Variants in KDM1A observed in about 807,000 individuals in gnomAD.
KDM1A encodes lysine-specific histone demethylase 1A.
In KDM1A, 49 loss-of-function variants were observed where a neutral mutation model predicts 109.4. The ratio of observed to expected loss-of-function variants is 0.45; its 90% CI spans 0.36 to 0.57. The LOEUF is 0.57. Ranked by LOEUF, KDM1A falls within the 20% of genes least tolerant of loss-of-function variation. The pLI is 0.00. For synonymous variants in KDM1A, 380 were observed against 415.4 expected, an observed-to-expected ratio of 0.91 and a Z score of 1.04; for missense variants, 668 against 1,116.6, an observed-to-expected ratio of 0.60 and a Z score of 5.73.
intron 3 of KDM1A, among the ~76,000 whole-genome samples, chr1:23,046,698 T>C (rs928503247): frequency 6.6e-6 from 1 of 152,146 alleles, no homozygotes; most frequent in Non-Finnish European, 1.5e-5. Context: ...TTTAACTACA[T>C]TTATTATGTA....
At chr1:23,077,424 G>A in intron 16 of KDM1A, 64 bp downstream of exon 16, 1 of 1,522,532 alleles carries the variant, frequency 6.6e-7, no homozygotes, top group Non-Finnish European at 8.9e-7. Context: ...TCTTTTGTTA[G>A]GTGCGACCTA....
intron 4 of KDM1A, among the ~76,000 whole-genome samples, chr1:23,052,823 G>T (rs541032540): frequency 6.6e-6 from 1 of 152,202 alleles, no homozygotes; most frequent in African/African-American, 2.4e-5. Context: ...TGGACTATTT[G>T]GAGTTCCTTC....
At chr1:23,058,936 GCTTT>G (rs1642918967) in intron 8 of KDM1A, 133 bp from the exon 9 acceptor site, 1 of 488,888 alleles carries the variant, frequency 2.0e-6, no homozygotes, top group Non-Finnish European at 3.5e-6. Flanking sequence ...TACTTAGAGT[GCTTT>G]TTTTTTTGAG....
intron 1 of KDM1A, 118 bp from the exon 2 acceptor site, chr1:23,030,351 A>G (rs938179141): frequency 1.4e-6 from 1 of 705,800 alleles, no homozygotes. Context: ...TCCTTGTTGT[A>G]TGCTTACTTC....
chr1:23,025,449 G>A (rs1004873283), intron 1 of KDM1A, among the ~76,000 whole-genome samples: 3 of 151,230 alleles, frequency 2.0e-5, no homozygotes, highest in African/African-American at 7.3e-5. Context: ...TTCTGCCTCA[G>A]CCCTCAGAGT....
chr1:23,083,270 C>CG lies in KDM1A; in HGVS notation c.2540dup (p.Arg848LysfsTer77), dbSNP rs1261054895. 1 of 1,613,884 alleles carries CG rather than the reference C, an allele frequency of 6.2e-7. No homozygotes were observed. Among genetic ancestry groups the CG allele is most frequent in the Admixed American group, 1.7e-5 (1 of 59,992 alleles). On this transcript the variant is annotated frameshift_variant, in exon 21 of 21. Transcript: ENST00000400181. LOFTEE classifies it high-confidence loss of function. ...GCTCTGCTGAGTGGGCTGCGAGAAG[C>CG]GGGAAGAATTGCAGACCAGTTTTTG... is the stretch of plus-strand genomic sequence containing the variant.
chr1:23,076,100 T>A (rs1172694711), intron 15 of KDM1A, among the ~76,000 whole-genome samples: 3 of 152,222 alleles, frequency 2.0e-5, no homozygotes, highest in South Asian at 2.1e-4. Flanking sequence ...CTTCTAGTCA[T>A]TGATTTATCA....
intron 3 of KDM1A, among the ~76,000 whole-genome samples, chr1:23,045,926 A>C (rs962266184): frequency 7.2e-5 from 11 of 152,184 alleles, no homozygotes; most frequent in Non-Finnish European, 1.6e-4. Context: ...TAAGAGATCA[A>C]CATTCTTCTC....
chr1:23,030,744 A>T, intron 2 of KDM1A, 110 bp downstream of exon 2: 1 of 1,174,376 alleles, frequency 8.5e-7, no homozygotes, highest in Non-Finnish European at 1.2e-6. Flanking sequence ...TTTATAATAA[A>T]GTCTGATATT....
chr1:23,056,518 A>G (rs1642834972), intron 7 of KDM1A, among the ~76,000 whole-genome samples: 1 of 152,152 alleles, frequency 6.6e-6, no homozygotes, highest in Non-Finnish European at 1.5e-5. Context: ...ACAGTAGGAA[A>G]AAGAGCATCA....
intron 20 of KDM1A, 133 bp from the exon 21 acceptor site, chr1:23,083,046 A>G: frequency 5.2e-6 from 4 of 763,922 alleles, no homozygotes; most frequent in South Asian, 1.8e-5. Context: ...AGACTCTTCG[A>G]TAGAATGATG....
At chr1:23,030,711 A>G (rs1641955836) in intron 2 of KDM1A, 77 bp downstream of exon 2, 2 of 1,384,306 alleles carry the variant, frequency 1.4e-6, no homozygotes, top group Non-Finnish European at 9.8e-7. Flanking sequence ...ATTTTGCAAT[A>G]TTATTTATGT....
intron 1 of KDM1A, among the ~76,000 whole-genome samples, chr1:23,022,108 A>G (rs1034970848): frequency 7.2e-5 from 11 of 152,168 alleles, no homozygotes; most frequent in Admixed American, 6.5e-4. Flanking sequence ...AGTCTTGGCT[A>G]TTTTACATAA....
rs1223131894 is a variant in KDM1A, at chr1:23,082,130, C to T, written c.2299-90C>T. ...TGTTGCCCCTCTTTCTCTTCACTTG[C>T]ATCTCCACCCACCACTGCTTTTCCA... On this transcript the variant is annotated intron_variant, in intron 19 of 20. Transcript: ENST00000400181. 24 of 1,388,006 alleles carry T rather than the reference C, an allele frequency of 1.7e-5. No homozygotes were observed. The South Asian group carries it at 2.7e-4, about 16-fold the overall frequency. The allele number at this position is 1,388,006 out of a possible 1,614,324, so 86.0% of individuals were successfully genotyped here.
intron 15 of KDM1A, among the ~76,000 whole-genome samples, chr1:23,073,925 T>G (rs960148036): frequency 6.6e-6 from 1 of 152,252 alleles, no homozygotes; most frequent in Non-Finnish European, 1.5e-5. Flanking sequence ...GTTGTTTCCC[T>G]TTTTTGACTG....
intron 10 of KDM1A, among the ~76,000 whole-genome samples, chr1:23,067,706 C>G (rs1248708928): frequency 2.0e-5 from 3 of 152,214 alleles, no homozygotes; most frequent in African/African-American, 7.2e-5. Flanking sequence ...TCTCTCACTT[C>G]TGCCATCAAT....
rs1177272085 is a variant in KDM1A at position 23,083,218 on chromosome 1, C to T, written c.2485C>T (p.Arg829Cys). The T allele has an allele frequency of 2.5e-6, 4 of 1,613,526 alleles. No individual in the cohort carries two copies. The highest frequency in any genetic ancestry group is 1.7e-5 in the Admixed American group (1 of 59,950). Residue 829 changes from arginine to cysteine, a missense_variant, in exon 21 of 21, where the codon CGT (arginine) becomes TGT (cysteine). Arg to Cys is a radical substitution (Grantham distance 180, BLOSUM62 -3). Transcript: ENST00000400181. Reference sequence around the variant, plus strand: ...CTTCTTTGCGGGAGAACATACGATCCGTAACTACCCAGCCACAGTGCATGG... The same window carrying T: ...CTTCTTTGCGGGAGAACATACGATCTGTAACTACCCAGCCACAGTGCATGG... ...RLFFAGEHTI[R>C]NYPATVHGAL...
At chr1:23,072,103 G>C in intron 13 of KDM1A, 21 bp from the exon 14 acceptor site, 1 of 1,539,504 alleles carries the variant, frequency 6.5e-7, no homozygotes, top group East Asian at 2.3e-5. Context: ...GGGTAACTCA[G>C]GTTCACTTAA....
At chr1:23,063,674 T>C (rs1643082834) in intron 9 of KDM1A, among the ~76,000 whole-genome samples, 1 of 152,246 alleles carries the variant, frequency 6.6e-6, no homozygotes, top group South Asian at 2.1e-4. Flanking sequence ...ATTATAGTTA[T>C]AATACTGACT....
Sources: allele counts gnomAD v4.1 joint callset (sites outside exome capture counted in the v4.1 genomes callset), GRCh38; gene constraint gnomAD v4.1.1; transcripts MANE v1.5; gene names NCBI Gene and HGNC (gene_info 2026-07-23, HGNC 2026-07-21).